SBNO2: variants seen among roughly 807,000 people sequenced by gnomAD.
The protein encoded by SBNO2 is strawberry notch homolog 2, also known as protein strawberry notch homolog 2.
SBNO2 carries 89 observed loss-of-function variants against 146.3 expected under a neutral mutation model. The observed-to-expected ratio is 0.61, with a 90% CI of 0.51 to 0.73. The LOEUF (loss-of-function observed/expected upper bound fraction) is 0.73, where lower values mean the gene tolerates loss of function less well. SBNO2 is among the 30% of genes least tolerant of loss of function. The pLI, the probability that SBNO2 is intolerant of heterozygous loss-of-function variation, is 0.00. For missense variants in SBNO2, 2,092 were observed against 2,003.7 expected, an observed-to-expected ratio of 1.04 and a Z score of -0.84; for synonymous variants, 1,147 against 892.6, an observed-to-expected ratio of 1.29 and a Z score of -5.08.
At chr19:1,124,442 G>A (rs1403018207) in intron 5 of SBNO2, among the ~76,000 whole-genome samples, 1 of 152,180 alleles carries the variant, frequency 6.6e-6, no homozygotes, top group Non-Finnish European at 1.5e-5. Context: ...GCCCTCGGGG[G>A]CCTGGGAGAC....
At chr19:1,142,480 G>A (rs1030784033) in intron 4 of SBNO2, among the ~76,000 whole-genome samples, 3 of 152,348 alleles carry the variant, frequency 2.0e-5, no homozygotes, top group African/African-American at 7.2e-5. Flanking sequence ...AGGAGTTCGA[G>A]ACCAGCCTGG....
Position 1,108,240 on chromosome 19 carries a change from C to T in SBNO2, c.4081G>A (p.Gly1361Ser), listed in dbSNP as rs1035747233. Reference sequence around the variant, plus strand: ...GCGTGTCAGAGAGGAGCCTGGGCGCCGGGGAAGGGTGGGCTGAACTGGATC... The same window carrying T: ...GCGTGTCAGAGAGGAGCCTGGGCGCTGGGGAAGGGTGGGCTGAACTGGATC... ...SVIQFSPPFP[G>S]AQAPL Residue 1361 changes from glycine (G) to serine (S), a missense_variant, in exon 32 of 32, where the codon GGC (glycine) becomes AGC (serine). Gly to Ser is a moderately conservative substitution (Grantham distance 56, BLOSUM62 0). Transcript: ENST00000361757. 70 of 1,525,756 alleles carry T rather than the reference C, an allele frequency of 4.6e-5. 1 individual carries two copies. The highest frequency in any genetic ancestry group is 1.7e-4 in the South Asian group (14 of 83,276). The allele number at this position is 1,525,756 out of a possible 1,614,324, so 94.5% of individuals were successfully genotyped here. A position where few individuals can be genotyped will look rare whatever the true frequency, so the allele number is the denominator to read the frequency against.
Position 1,119,568 on chromosome 19 carries a change from C to T in SBNO2, c.1321G>A (p.Glu441Lys), listed in dbSNP as rs774886312. ...TCAAAGTTCCGGAAGGGTGTGCCCT[C>T]GCCCCAGATACCCAAGCGGCTCATG... ...IYMSRLGIWGEGTPFRNFEEF... is the reference protein window; with the variant it reads ...IYMSRLGIWGKGTPFRNFEEF... The change falls in exon 13 of 32, where the codon GAG (glutamate) becomes AAG (lysine). Residue 441 changes from glutamate (E) to lysine (K), a missense_variant. Physicochemically the swap from Glu to Lys is moderately conservative, Grantham distance 56. Transcript: ENST00000361757. 52 of 1,611,490 alleles carry T rather than the reference C, an allele frequency of 3.2e-5. No homozygotes were observed. The highest frequency in any genetic ancestry group is 1.3e-4 in the South Asian group (12 of 90,650).
At chr19:1,159,832 A>G (rs1048416787) in intron 1 of SBNO2, among the ~76,000 whole-genome samples, 1 of 151,308 alleles carries the variant, frequency 6.6e-6, no homozygotes, top group Non-Finnish European at 1.5e-5. Flanking sequence ...GAGGGGACAC[A>G]TTCAAGACAT....
Position 1,108,577 on chromosome 19 carries a change from CGCCAGCGGGCGCGGG to C in SBNO2, c.3729_3743del (p.Pro1244_Ala1248del). On this transcript the variant is annotated inframe_deletion, in exon 32 of 32. Transcript: ENST00000361757. ...GCACCTCTCCGGGGCCGCAAGGCAG[CGCCAGCGGGCGCGGG>C]GCGGGCGGGGCGGGGCAGCCCAGGG... 9.5e-6 allele frequency: 12 copies of C among 1,259,802 alleles called. No homozygotes were observed. The highest frequency in any genetic ancestry group is 1.2e-5 in the Non-Finnish European group (12 of 1,004,938). 78.0% of individuals were successfully genotyped at this position (1,259,802 alleles called of 1,614,324 possible). A position where few individuals can be genotyped will look rare whatever the true frequency, so the allele number is the denominator to read the frequency against.
Position 1,108,708 on chromosome 19 carries a change from C to A in SBNO2, c.3617-4G>T. ...CAGCCCTCGGGGATCTTGATGCCTG[C>A]GGGCAGAGCGTCGGGGTCAGGGCCG... is the stretch of plus-strand genomic sequence containing the variant. On this transcript the variant is annotated splice_region_variant and splice_polypyrimidine_tract_variant and intron_variant, in intron 31 of 31. Coordinates refer to ENST00000361757, the MANE Select transcript of SBNO2 (RefSeq NM_014963.3). The A allele has an allele frequency of 6.4e-7, 1 of 1,554,052 alleles. No individual in the cohort carries two copies. The highest frequency in any genetic ancestry group is 8.6e-7 in the Non-Finnish European group (1 of 1,158,258).
Position 1,149,354 on chromosome 19 carries a change from G to A in SBNO2, c.167+15C>T. 2 of 1,550,028 alleles carry A rather than the reference G, an allele frequency of 1.3e-6. No individual in the cohort carries two copies. Among genetic ancestry groups the A allele is most frequent in the Non-Finnish European group, 1.7e-6 (2 of 1,146,526 alleles). Reference sequence around the variant, plus strand: ...GCAAGCCTGGGGGCCAGGCGGGGAGGGTCCCGGTACTCACCGGCTGTCGCT... The same window carrying A: ...GCAAGCCTGGGGGCCAGGCGGGGAGAGTCCCGGTACTCACCGGCTGTCGCT... On this transcript the variant is annotated intron_variant, in intron 3 of 31. Transcript: ENST00000361757.
chr19:1,125,751 G>A (rs1248232581), intron 5 of SBNO2, among the ~76,000 whole-genome samples: 3 of 152,076 alleles, frequency 2.0e-5, no homozygotes, highest in Non-Finnish European at 4.4e-5. Context: ...GCCTGTGGGA[G>A]GCAGAGGCAG....
intron 4 of SBNO2, among the ~76,000 whole-genome samples, chr19:1,131,430 TGG>T (rs2080027205): frequency 4.7e-5 from 3 of 63,574 alleles, no homozygotes; most frequent in African/African-American, 2.2e-4. Context: ...TGGGAGGACC[TGG>T]CTGGGAGGAC....
intron 4 of SBNO2, among the ~76,000 whole-genome samples, chr19:1,129,486 G>A (rs1437239497): frequency 1.3e-5 from 2 of 152,104 alleles, no homozygotes; most frequent in Non-Finnish European, 2.9e-5. Flanking sequence ...GAGGCCCAGA[G>A]CCAGGTAGGG....
chr19:1,165,452 G>C (rs1378473634), intron 1 of SBNO2, among the ~76,000 whole-genome samples: 1 of 152,172 alleles, frequency 6.6e-6, no homozygotes, highest in Non-Finnish European at 1.5e-5. Context: ...CAGGCCCAGA[G>C]TCAGAGCCAA....
chr19:1,124,091 T>C (rs1253584882), intron 5 of SBNO2, 69 bp from the exon 6 acceptor site: 1 of 1,461,750 alleles, frequency 6.8e-7, no homozygotes. Flanking sequence ...CCTCGCAGCC[T>C]GGCCACCAGA....
intron 1 of SBNO2, among the ~76,000 whole-genome samples, chr19:1,160,488 A>T (rs1276116052): frequency 6.6e-6 from 1 of 152,118 alleles, no homozygotes; most frequent in African/African-American, 2.4e-5. Flanking sequence ...GGGAGGACGC[A>T]CAGAGGGTGG....
At chr19:1,120,804 G>A (rs1424769138) in intron 11 of SBNO2, among the ~76,000 whole-genome samples, 2 of 152,172 alleles carry the variant, frequency 1.3e-5, no homozygotes, top group Admixed American at 6.5e-5. Context: ...GAGTAGCTGG[G>A]ATTACAAGTG....
chr19:1,112,502 A>AC lies in SBNO2; in HGVS notation c.2414dup (p.Val806CysfsTer86). 1 of 1,605,014 alleles carries AC rather than the reference A, an allele frequency of 6.2e-7. No individual in the cohort carries two copies. Among genetic ancestry groups the AC allele is most frequent in the Non-Finnish European group, 8.5e-7 (1 of 1,178,036 alleles). On this transcript the variant is annotated frameshift_variant, in exon 21 of 32. Transcript: ENST00000361757. LOFTEE classifies it high-confidence loss of function. This position sits in a 1 kb window ranked among gnomAD's most constrained non-coding sequence, Gnocchi z 5.9. ...CACGGCGGTCGGCTTGGAGGGAGAC[A>AC]CCCGAGCTGGAGGCCTCCGAGATGA...
rs2079866202 is a variant in SBNO2, at chr19:1,119,018, G to T, written c.1520C>A (p.Ala507Asp). The T allele has an allele frequency of 6.3e-7, 1 of 1,593,960 alleles. No homozygotes were observed. Among genetic ancestry groups the T allele is most frequent in the Non-Finnish European group, 8.5e-7 (1 of 1,172,490 alleles). Residue 507 changes from alanine (A) to aspartate (D), a missense_variant, in exon 14 of 32, where the codon GCC (alanine) becomes GAC (aspartate). Coordinates refer to ENST00000361757, the MANE Select transcript of SBNO2 (RefSeq NM_014963.3). ...PAFECVYNRAALLWAEALNVF... is the reference protein window; with the variant it reads ...PAFECVYNRADLLWAEALNVF... ...TCGGGTGCGCAGGCTCACCAGCAGGGCCGCGCGGTTGTAGACGCACTCGAA... is the reference window on the plus strand; with the variant it reads ...TCGGGTGCGCAGGCTCACCAGCAGGTCCGCGCGGTTGTAGACGCACTCGAA...
intron 4 of SBNO2, among the ~76,000 whole-genome samples, chr19:1,141,837 G>A (rs1055604067): frequency 1.3e-5 from 2 of 151,966 alleles, no homozygotes; most frequent in African/African-American, 4.8e-5. Context: ...TGCGCAGGCT[G>A]GTCTCAAACC....
rs779563926 is a variant in SBNO2, at chr19:1,113,571, G to A, written c.2211C>T (p.Leu737=). The A allele has an allele frequency of 6.2e-7, 1 of 1,601,920 alleles. No homozygotes were observed. Residue 737 remains leucine, a synonymous_variant, in exon 19 of 32, where the codon CTC becomes CTT. Coordinates refer to ENST00000361757, the MANE Select transcript of SBNO2 (RefSeq NM_014963.3). The part of the protein sequence containing the change: ...RELPVNTLDE[L]IDQLGGPQRV... ...GCTGGGGGCCGCCCAGCTGGTCGAT[G>A]AGCTCGTCCAGGGTGTTGACTGGCA...
chr19:1,165,735 TCCAGACCCCAGATCTCAGACC>T (rs2080409794), intron 1 of SBNO2, among the ~76,000 whole-genome samples: 6 of 4,142 alleles, frequency 1.4e-3, no homozygotes, highest in African/African-American at 3.6e-3. Context: ...GATCTCAGAC[TCCAGACCCCAGATCTCAGACC>T]CCAGACCCCA....
Sources: gnomAD v4.1 joint callset for allele counts (sites outside exome capture counted in the v4.1 genomes callset) on GRCh38, gnomAD v4.1.1 for gene constraint, Gnocchi (gnomAD v3.1) non-coding constraint, MANE v1.5 for transcripts, NCBI Gene and HGNC (gene_info 2026-07-23, HGNC 2026-07-21) for gene names.